Variants in SCFD2 observed in about 807,000 individuals in gnomAD.
SCFD2 encodes the protein sec1 family domain containing 2, also known as sec1 family domain-containing protein 2.
Under a neutral mutation model 58.9 loss-of-function variants are expected in SCFD2, and 54 were observed. The ratio of observed to expected loss-of-function variants is 0.92; its 90% CI spans 0.74 to 1.15. The LOEUF (loss-of-function observed/expected upper bound fraction) is 1.15, where lower values mean the gene tolerates loss of function less well. Among genes scored for constraint, SCFD2 ranks in the 50% most tolerant of loss-of-function variants. The pLI is 0.00. For synonymous variants in SCFD2, 321 were observed against 335.9 expected, an observed-to-expected ratio of 0.96 and a Z score of 0.49; for missense variants, 805 against 836.6, an observed-to-expected ratio of 0.96 and a Z score of 0.47.
chr4:52,881,771 A>C (rs963003520), intron 8 of SCFD2, among the ~76,000 whole-genome samples: 2 of 152,208 alleles, frequency 1.3e-5, no homozygotes, highest in Non-Finnish European at 2.9e-5. Flanking sequence ...GGTCTTTTCC[A>C]GAAAAGCTGC....
chr4:53,123,797 G>T (rs1725550549), intron 5 of SCFD2, among the ~76,000 whole-genome samples: 1 of 152,158 alleles, frequency 6.6e-6, no homozygotes, highest in African/African-American at 2.4e-5. Context: ...AGAACACACT[G>T]CTCCAGTTCC....
intron 2 of SCFD2, among the ~76,000 whole-genome samples, chr4:53,318,747 TG>T (rs1189638616): frequency 6.6e-6 from 1 of 151,992 alleles, no homozygotes; most frequent in Non-Finnish European, 1.5e-5. Flanking sequence ...TTTCCCCTGA[TG>T]GCCAAATTAA....
chr4:53,019,001 T>C (rs1722281655), intron 5 of SCFD2, among the ~76,000 whole-genome samples: 1 of 152,210 alleles, frequency 6.6e-6, no homozygotes, highest in African/African-American at 2.4e-5. Context: ...GGAATGATTT[T>C]GGTCAGATGG....
intron 8 of SCFD2, among the ~76,000 whole-genome samples, chr4:52,884,183 T>G (rs1015755848): frequency 4.6e-5 from 7 of 152,206 alleles, no homozygotes; most frequent in African/African-American, 1.7e-4. Context: ...TATGAAGTAG[T>G]CAGGGAGAAG....
intron 5 of SCFD2, among the ~76,000 whole-genome samples, chr4:53,119,822 T>C (rs1180991570): frequency 1.3e-5 from 2 of 152,180 alleles, no homozygotes; most frequent in East Asian, 1.9e-4. Flanking sequence ...CACACCACAT[T>C]CCAATGCTGG....
intron 2 of SCFD2, among the ~76,000 whole-genome samples, chr4:53,320,617 CAA>C (rs923932935): frequency 1.3e-5 from 2 of 151,956 alleles, no homozygotes; most frequent in South Asian, 4.2e-4. Context: ...AACCCTGTCT[CAA>C]AAAATCAATA....
chr4:52,900,035 G>C (rs139428780), intron 7 of SCFD2, among the ~76,000 whole-genome samples: 2,093 of 152,162 alleles, frequency 0.014, 55 homozygotes, highest in African/African-American at 0.048. Flanking sequence ...ATTGGTTATT[G>C]TAGTTATACA....
chr4:53,065,372 G>A (rs188856169), intron 5 of SCFD2, among the ~76,000 whole-genome samples: 69 of 152,130 alleles, frequency 4.5e-4, no homozygotes, highest in Non-Finnish European at 8.5e-4. Flanking sequence ...AATCTGGAAA[G>A]AAAATGAATA....
intron 4 of SCFD2, among the ~76,000 whole-genome samples, chr4:53,268,032 A>C (rs1244360404): frequency 6.6e-6 from 1 of 152,212 alleles, no homozygotes; most frequent in East Asian, 1.9e-4. Context: ...TGTAGACAGC[A>C]GCAGGGTGAA....
intron 5 of SCFD2, among the ~76,000 whole-genome samples, chr4:53,003,197 C>T (rs976727852): frequency 6.6e-6 from 1 of 152,178 alleles, no homozygotes; most frequent in Non-Finnish European, 1.5e-5. Context: ...TTCCTTTCGT[C>T]CTTCTTTTCT....
At chr4:52,900,036 T>C (rs1394202486) in intron 7 of SCFD2, among the ~76,000 whole-genome samples, 1 of 152,226 alleles carries the variant, frequency 6.6e-6, no homozygotes, top group Admixed American at 6.5e-5. Flanking sequence ...TTGGTTATTG[T>C]AGTTATACAT....
chr4:53,277,594 A>G (rs981643518), intron 3 of SCFD2, among the ~76,000 whole-genome samples: 2 of 152,330 alleles, frequency 1.3e-5, no homozygotes, highest in Admixed American at 6.5e-5. Context: ...CTGAAAGAAG[A>G]GGAATTAAAT....
intron 5 of SCFD2, among the ~76,000 whole-genome samples, chr4:53,112,369 C>T (rs981066524): frequency 6.6e-5 from 10 of 152,200 alleles, no homozygotes; most frequent in African/African-American, 2.4e-4. Context: ...CATTTACATA[C>T]AATTTTGAAC....
At chr4:53,001,876 G>A (rs948513912) in intron 5 of SCFD2, among the ~76,000 whole-genome samples, 7 of 152,214 alleles carry the variant, frequency 4.6e-5, no homozygotes, top group Non-Finnish European at 8.8e-5. Flanking sequence ...TGAGGACACT[G>A]AGGGTTTGAG....
chr4:53,084,103 T>G (rs1724231467), intron 5 of SCFD2, among the ~76,000 whole-genome samples: 1 of 149,702 alleles, frequency 6.7e-6, no homozygotes, highest in Non-Finnish European at 1.5e-5. Context: ...CAGGGTGGAG[T>G]TTTTCCCCAC....
At chr4:53,066,724 C>T (rs1013971756) in intron 5 of SCFD2, among the ~76,000 whole-genome samples, 2 of 152,006 alleles carry the variant, frequency 1.3e-5, no homozygotes, top group Non-Finnish European at 2.9e-5. Context: ...GCCTATTTCA[C>T]GCCAACTCAT....
intron 1 of SCFD2, among the ~76,000 whole-genome samples, chr4:53,354,575 C>T (rs767658247): frequency 1.3e-5 from 2 of 152,154 alleles, no homozygotes; most frequent in East Asian, 1.9e-4. Context: ...GAGCAGACAC[C>T]GAGGCCGAGG....
At chr4:53,120,896 A>G (rs1468686919) in intron 5 of SCFD2, among the ~76,000 whole-genome samples, 1 of 152,206 alleles carries the variant, frequency 6.6e-6, no homozygotes, top group Non-Finnish European at 1.5e-5. Flanking sequence ...AAAGAGTGTC[A>G]TTAATATTCC....
chr4:53,001,656 G>A (rs1423945766), intron 5 of SCFD2, among the ~76,000 whole-genome samples: 3 of 152,132 alleles, frequency 2.0e-5, no homozygotes, highest in Admixed American at 6.6e-5. Context: ...AATACAAAAC[G>A]GTGAAGTGTG....
Sources: allele counts gnomAD v4.1 joint callset (sites outside exome capture counted in the v4.1 genomes callset), GRCh38; gene constraint gnomAD v4.1.1; transcripts MANE v1.5; gene names NCBI Gene and HGNC (gene_info 2026-07-23, HGNC 2026-07-21).